The following IL1RAPL1 variants were observed in gnomAD, a reference collection of about 807,000 sequenced individuals.
IL1RAPL1 encodes interleukin 1 receptor accessory protein like 1.
Under a neutral mutation model 48.4 loss-of-function variants are expected in IL1RAPL1, and 3 were observed. That is an observed-to-expected ratio of 0.06 (90% CI 0.03 to 0.16). The LOEUF is 0.16. Among genes scored for constraint, IL1RAPL1 ranks in the 10% least tolerant of loss-of-function variants. The pLI, the probability that IL1RAPL1 is intolerant of heterozygous loss-of-function variation, is 1.00. For synonymous variants in IL1RAPL1, 185 were observed against 187.7 expected (o/e 0.99, Z 0.12); for missense variants, 349 against 530.6 (o/e 0.66, Z 3.36).
At position 29,904,310 on chromosome X, in the gene IL1RAPL1, A is replaced by G. The variant is rs376957202; in HGVS notation, c.779-13154A>G. The stretch of plus-strand genomic sequence containing the variant: ...AGAACGATAGTTGCTCTTGATAACA[A>G]GCTAAATAGCTTGGACTTAAATAAA... On this transcript the variant is annotated intron_variant, in intron 6 of 10. Coordinates refer to ENST00000378993, the MANE Select transcript of IL1RAPL1 (RefSeq NM_014271.4). Among the ~76,000 whole-genome samples the G allele has an allele frequency of 9.8e-5, 11 of 111,894 alleles. 1 individual carries two copies. The East Asian group carries it at 2.2e-3, about 23-fold the overall frequency.
chrX:28,659,066 G>C (rs1045438364), intron 1 of IL1RAPL1: 4 of 677,020 alleles, frequency 5.9e-6, no homozygotes, highest in South Asian at 2.3e-5. Flanking sequence ...GGATTCTTAA[G>C]CACGTTCTCC....
intron 5 of IL1RAPL1, among the ~76,000 whole-genome samples, chrX:29,572,255 A>G (rs761150901): frequency 3.6e-5 from 4 of 112,234 alleles, no homozygotes; most frequent in South Asian, 7.3e-4. Flanking sequence ...TAATCATTCA[A>G]CTAAAGCGTA....
intron 5 of IL1RAPL1, among the ~76,000 whole-genome samples, chrX:29,523,758 G>A (rs572151461): frequency 1.8e-5 from 2 of 111,518 alleles, no homozygotes; most frequent in South Asian, 7.4e-4. Context: ...CAGCCATAAG[G>A]TAGGCATCAT....
chrX:29,322,875 G>T (rs1387825652), intron 3 of IL1RAPL1, among the ~76,000 whole-genome samples: 1 of 111,867 alleles, frequency 8.9e-6, no homozygotes, highest in Non-Finnish European at 1.9e-5. Flanking sequence ...TCCCAAAGGA[G>T]AATTCAAAAC....
At chrX:29,381,814 C>CA (rs1213630768) in intron 3 of IL1RAPL1, among the ~76,000 whole-genome samples, 38 of 33,384 alleles carry the variant, frequency 1.1e-3, no homozygotes, top group African/African-American at 3.2e-3. Context: ...AGACTGTTGC[C>CA]AAAAAAAAAA....
At chrX:29,813,823 A>G (rs1190692890) in intron 6 of IL1RAPL1, among the ~76,000 whole-genome samples, 1 of 111,479 alleles carries the variant, frequency 9.0e-6, no homozygotes, top group Admixed American at 9.6e-5. Context: ...GCTCCCAATT[A>G]TAAGTGAGAT....
At chrX:29,688,339 G>T (rs995304446) in intron 6 of IL1RAPL1, among the ~76,000 whole-genome samples, 9 of 110,992 alleles carry the variant, frequency 8.1e-5, no homozygotes, top group African/African-American at 3.0e-4. Flanking sequence ...TCCAACCTCT[G>T]CCTGTGATCA....
chrX:29,286,222 C>A (rs1177028449), intron 3 of IL1RAPL1, among the ~76,000 whole-genome samples: 1 of 111,597 alleles, frequency 9.0e-6, no homozygotes, highest in Non-Finnish European at 1.9e-5. Context: ...CAGAATAATA[C>A]CACACAATTC....
At chrX:29,768,173 A>G (rs1928962518) in intron 6 of IL1RAPL1, among the ~76,000 whole-genome samples, 1 of 112,139 alleles carries the variant, frequency 8.9e-6, no homozygotes, top group Admixed American at 9.5e-5. Flanking sequence ...GAATTCAATA[A>G]CCTAAGAATT....
chrX:28,770,088 A>G (rs749826229), intron 1 of IL1RAPL1, among the ~76,000 whole-genome samples: 1 of 111,962 alleles, frequency 8.9e-6, no homozygotes, highest in South Asian at 3.7e-4. Context: ...ATGTAGGAGG[A>G]CTGTTTTCAC....
At chrX:29,487,952 C>A (rs1935114016) in intron 5 of IL1RAPL1, among the ~76,000 whole-genome samples, 2 of 111,868 alleles carry the variant, frequency 1.8e-5, no homozygotes, top group African/African-American at 6.5e-5. Context: ...ACTCATTATT[C>A]TTTGTTCCCC....
intron 1 of IL1RAPL1, among the ~76,000 whole-genome samples, chrX:28,652,937 A>G (rs772981862): frequency 9.0e-6 from 1 of 111,007 alleles, no homozygotes; most frequent in South Asian, 3.8e-4. Context: ...TTTTTGTTCC[A>G]GATAGAAGAC....
chrX:29,211,949 A>G (rs777275534), intron 2 of IL1RAPL1, among the ~76,000 whole-genome samples: 7 of 110,433 alleles, frequency 6.3e-5, no homozygotes, highest in South Asian at 3.9e-4. Flanking sequence ...TTATATATCA[A>G]TGCCCTCAAA....
intron 6 of IL1RAPL1, among the ~76,000 whole-genome samples, chrX:29,896,372 T>C (rs1169025544): frequency 9.3e-6 from 1 of 106,952 alleles, no homozygotes; most frequent in African/African-American, 3.5e-5. Flanking sequence ...GAGAAGACAG[T>C]GATAACTTTG....
intron 3 of IL1RAPL1, among the ~76,000 whole-genome samples, chrX:29,373,867 A>ATTTTTTTTT (rs59750110): frequency 0.014 from 305 of 21,648 alleles, 87 homozygotes; most frequent in African/African-American, 0.022. Context: ...TCTCTTTTTA[A>ATTTTTTTTT]TTTTTTTTTT....
chrX:28,858,715 C>T (rs1423899227), intron 2 of IL1RAPL1, among the ~76,000 whole-genome samples: 1 of 112,458 alleles, frequency 8.9e-6, no homozygotes, highest in Non-Finnish European at 1.9e-5. Context: ...GCGCAACTCG[C>T]GTTATTGAGG....
chrX:28,752,963 G>T (rs1166636213), intron 1 of IL1RAPL1, among the ~76,000 whole-genome samples: 2 of 112,177 alleles, frequency 1.8e-5, no homozygotes, highest in African/African-American at 6.5e-5. Flanking sequence ...TCTCTCTTAG[G>T]CATCTTTATA....
At chrX:29,735,981 G>A (rs946958742) in intron 6 of IL1RAPL1, among the ~76,000 whole-genome samples, 4 of 112,072 alleles carry the variant, frequency 3.6e-5, no homozygotes, top group African/African-American at 6.5e-5. Context: ...GGTTCTGGCC[G>A]TTAGCCAGGT....
chrX:29,807,617 A>C (rs1251143317), intron 6 of IL1RAPL1, among the ~76,000 whole-genome samples: 5 of 80,755 alleles, frequency 6.2e-5, no homozygotes, highest in African/African-American at 2.1e-4. Context: ...TCTGTCTCTC[A>C]AGACAAAAAA....
Sources: allele counts gnomAD v4.1 joint callset (sites outside exome capture counted in the v4.1 genomes callset), GRCh38; gene constraint gnomAD v4.1.1; transcripts MANE v1.5; gene names NCBI Gene and HGNC (gene_info 2026-07-23, HGNC 2026-07-21).